Variants in SKIL observed in about 807,000 individuals in gnomAD.
SKIL encodes the protein SKI like proto-oncogene.
Under a neutral mutation model 69.6 loss-of-function variants are expected in SKIL, and 20 were observed. The observed-to-expected ratio is 0.29, with a 90% confidence interval of 0.20 to 0.42. The LOEUF (loss-of-function observed/expected upper bound fraction) is 0.42, where lower values mean the gene tolerates loss of function less well. Among genes scored for constraint, SKIL ranks in the 10% least tolerant of loss-of-function variants. The pLI, the probability that SKIL is intolerant of heterozygous loss-of-function variation, is 1.00. For synonymous variants in SKIL, 310 were observed against 279.9 expected (o/e 1.11, Z -1.08); for missense variants, 745 against 783.1 (o/e 0.95, Z 0.58).
At chr3:170,376,212 T>C (rs913779675) in intron 2 of SKIL, among the ~76,000 whole-genome samples, 1 of 151,720 alleles carries the variant, frequency 6.6e-6, no homozygotes. Flanking sequence ...CATGCCCAGC[T>C]AATTTTTTTT....
chr3:170,386,842 T>G (rs13076319), intron 4 of SKIL, among the ~76,000 whole-genome samples: 110,214 of 151,986 alleles, frequency 0.73, 41,412 homozygotes, highest in East Asian at 0.84. Context: ...ATGACTATTA[T>G]GCCATATTTA....
chr3:170,384,635 C>T lies in SKIL; in HGVS notation c.1299C>T (p.Ser433=), dbSNP rs761243511. 2.7e-5 allele frequency: 43 copies of T among 1,611,232 alleles called. No individual in the cohort carries two copies. The highest frequency in any genetic ancestry group is 1.6e-4 in the Middle Eastern group (1 of 6,078). The part of the protein sequence containing the change: ...KELTKTEASK[S]ISRQSEKAHS... The stretch of plus-strand genomic sequence containing the variant: ...TCACAAAGACAGAGGCAAGTAAGTC[C>T]ATATCAAGACAGTCAGAGAAGGCTC... Residue 433 remains serine (S), a synonymous_variant, in exon 4 of 7, where the codon TCC becomes TCT. Transcript: ENST00000259119.
chr3:170,383,117 TTCACCCTAG>T (rs1737446364), intron 3 of SKIL, among the ~76,000 whole-genome samples: 2 of 152,228 alleles, frequency 1.3e-5, no homozygotes, highest in Non-Finnish European at 2.9e-5. Flanking sequence ...TCAATAAATG[TTCACCCTAG>T]ATTGTAAGTT....
intron 2 of SKIL, among the ~76,000 whole-genome samples, chr3:170,372,602 A>G (rs1736845867): frequency 6.6e-6 from 1 of 152,208 alleles, no homozygotes. Context: ...AGGAAACCTG[A>G]TAGTGTACTG....
At chr3:170,358,581 T>C (rs539751668) in intron 1 of SKIL, 1 of 152,814 alleles carries the variant, frequency 6.5e-6, no homozygotes, top group African/African-American at 2.4e-5. Flanking sequence ...TGTGTTCCTG[T>C]GGTGGACGAA....
chr3:170,371,796 C>T (rs1736816834), intron 2 of SKIL, among the ~76,000 whole-genome samples: 1 of 152,084 alleles, frequency 6.6e-6, no homozygotes, highest in Admixed American at 6.5e-5. Flanking sequence ...TCCTGAGAAC[C>T]TCAATTGAAA....
chr3:170,360,277 G>A lies in SKIL; in HGVS notation c.-55G>A. On this transcript the variant is annotated 5_prime_UTR_variant, in exon 2 of 7. Transcript: ENST00000259119. ...TCATTACTTTCCTCTTTTCAAATAAGCAACTAAATAGAAATGCTAATCTCA... is the reference window on the plus strand; with the variant it reads ...TCATTACTTTCCTCTTTTCAAATAAACAACTAAATAGAAATGCTAATCTCA... 1.4e-6 allele frequency: 2 copies of A among 1,464,482 alleles called. No individual in the cohort carries two copies. The highest frequency in any genetic ancestry group is 9.1e-7 in the Non-Finnish European group (1 of 1,093,658). 90.7% of individuals were successfully genotyped at this position (1,464,482 alleles called of 1,614,324 possible). A position where few individuals can be genotyped will look rare whatever the true frequency, so the allele number is the denominator to read the frequency against.
chr3:170,367,329 C>T (rs984684120), intron 2 of SKIL, among the ~76,000 whole-genome samples: 4 of 152,068 alleles, frequency 2.6e-5, no homozygotes, highest in Non-Finnish European at 5.9e-5. Context: ...CCAGGATGGT[C>T]TCGATCTCCT....
chr3:170,370,111 C>T (rs1375945295), intron 2 of SKIL, among the ~76,000 whole-genome samples: 1 of 151,824 alleles, frequency 6.6e-6, no homozygotes, highest in Admixed American at 6.6e-5. Flanking sequence ...CGGTGGCAGG[C>T]GCCTGTAGTC....
At chr3:170,383,773 G>GAGTC (rs1176719005) in intron 3 of SKIL, among the ~76,000 whole-genome samples, 1 of 152,128 alleles carries the variant, frequency 6.6e-6, no homozygotes, top group African/African-American at 2.4e-5. Context: ...AGCCTCCTGT[G>GAGTC]AGTCAGGACA....
chr3:170,370,370 G>T (rs1736741563), intron 2 of SKIL, among the ~76,000 whole-genome samples: 1 of 146,728 alleles, frequency 6.8e-6, no homozygotes, highest in African/African-American at 2.5e-5. Flanking sequence ...ACTTAAGAGT[G>T]GATCATAGAA....
intron 2 of SKIL, among the ~76,000 whole-genome samples, chr3:170,370,958 C>A (rs948886475): frequency 6.6e-6 from 1 of 151,556 alleles, no homozygotes; most frequent in South Asian, 2.1e-4. Flanking sequence ...TCAAAAAAAA[C>A]AAGACAAAAC....
chr3:170,378,553 C>CTTT (rs373084445), intron 2 of SKIL, among the ~76,000 whole-genome samples: 4 of 119,008 alleles, frequency 3.4e-5, no homozygotes, highest in East Asian at 5.3e-4. Flanking sequence ...CTCTCTCTCT[C>CTTT]TTTTTTTTTT....
chr3:170,386,984 C>A (rs143579162), intron 4 of SKIL, among the ~76,000 whole-genome samples: 2 of 152,102 alleles, frequency 1.3e-5, no homozygotes, highest in Non-Finnish European at 2.9e-5. Context: ...AGTTGTGCAA[C>A]CATCACAGCT....
chr3:170,360,084 G>T lies in SKIL; in HGVS notation c.-248G>T, dbSNP rs1048400165. 1 of 392,350 alleles carries T rather than the reference G, an allele frequency of 2.5e-6. No homozygotes were observed. The highest frequency in any genetic ancestry group is 2.1e-5 in the African/African-American group (1 of 48,184). 24.3% of individuals were successfully genotyped at this position (392,350 alleles called of 1,614,324 possible). On this transcript the variant is annotated 5_prime_UTR_variant, in exon 2 of 7. Transcript: ENST00000259119. ...AGAAAACAAAGGCATCCTCAGAGGT[G>T]TGCCTCTTTTCTTTATTATTAGAGG...
At position 170,379,938 on chromosome 3, in the gene SKIL, C is replaced by T. The variant is rs142786332; in HGVS notation, c.1099-1306C>T. On this transcript the variant is annotated intron_variant, in intron 2 of 6. Coordinates refer to ENST00000259119, the MANE Select transcript of SKIL (RefSeq NM_005414.5). ...GAATTACAGGTGTGAGCCACTGAAC[C>T]GAGCCCCTCTTCAATTTCTGAACGT... Among the ~76,000 whole-genome samples the T allele has an allele frequency of 9.9e-4, 151 of 152,208 alleles. 2 individuals carry two copies. The East Asian group carries it at 0.027, about 27-fold the overall frequency.
Position 170,361,086 on chromosome 3 carries a change from T to C in SKIL, c.755T>C (p.Leu252Ser). 6.2e-7 allele frequency: 1 copy of C among 1,614,262 alleles called. No individual in the cohort carries two copies. The highest frequency in any genetic ancestry group is 8.5e-7 in the Non-Finnish European group (1 of 1,180,044). Residue 252 changes from leucine to serine, a missense_variant, in exon 2 of 7, where the codon TTG becomes TCG. By Grantham distance (145) the Leu-to-Ser change is moderately radical. Transcript: ENST00000259119. ...NGSVLPAKSS[L>S]AQLKETGSAF... Reference sequence around the variant, plus strand: ...AGCGTACTTCCTGCTAAAAGCTCATTGGCCCAGTTAAAGGAAACTGGCAGT... The same window carrying C: ...AGCGTACTTCCTGCTAAAAGCTCATCGGCCCAGTTAAAGGAAACTGGCAGT...
Position 170,384,697 on chromosome 3 carries a change from C to T in SKIL, c.1361C>T (p.Pro454Leu). 1.9e-6 allele frequency: 3 copies of T among 1,612,932 alleles called. No homozygotes were observed. Among genetic ancestry groups the T allele is most frequent in the Non-Finnish European group, 2.5e-6 (3 of 1,179,104 alleles). Residue 454 changes from proline to leucine, a missense_variant, in exon 4 of 7, where the codon CCA becomes CTA. Coordinates refer to ENST00000259119, the MANE Select transcript of SKIL (RefSeq NM_005414.5). Reference sequence around the variant, plus strand: ...AAACTTCAAAAAACAGTGTCTTATCCAGATGTCTCACTTGAGGAACAGGAG... The same window carrying T: ...AAACTTCAAAAAACAGTGTCTTATCTAGATGTCTCACTTGAGGAACAGGAG... ...SGKLQKTVSYPDVSLEEQEKM... is the reference protein window; with the variant it reads ...SGKLQKTVSYLDVSLEEQEKM...
At chr3:170,371,521 A>T (rs1736806113) in intron 2 of SKIL, among the ~76,000 whole-genome samples, 1 of 152,150 alleles carries the variant, frequency 6.6e-6, no homozygotes, top group Non-Finnish European at 1.5e-5. Flanking sequence ...AAAGAAAAAG[A>T]AAAACAAAAG....
Sources: allele counts gnomAD v4.1 joint callset (sites outside exome capture counted in the v4.1 genomes callset), GRCh38; gene constraint gnomAD v4.1.1; transcripts MANE v1.5; gene names NCBI Gene and HGNC (gene_info 2026-07-23, HGNC 2026-07-21).